The following DTD1 variants were observed in gnomAD, a reference collection of about 807,000 sequenced individuals.
The protein encoded by DTD1 is D-aminoacyl-tRNA deacylase 1, also known as D-tyrosyl-tRNA deacylase 1 homolog.
Under a neutral mutation model 25.6 loss-of-function variants are expected in DTD1, and 13 were observed. The observed-to-expected ratio is 0.51, with a 90% CI of 0.33 to 0.81. DTD1 has a LOEUF of 0.81. Among genes scored for constraint, DTD1 ranks in the 30% least tolerant of loss-of-function variants. The pLI is 0.02. For synonymous variants in DTD1, 110 were observed against 103.6 expected, an observed-to-expected ratio of 1.06 and a Z score of -0.37; for missense variants, 193 against 266.4, an observed-to-expected ratio of 0.72 and a Z score of 1.92.
At chr20:18,627,156 T>A (rs1040698960) in intron 3 of DTD1, among the ~76,000 whole-genome samples, 1 of 152,212 alleles carries the variant, frequency 6.6e-6, no homozygotes, top group African/African-American at 2.4e-5. Flanking sequence ...GTGCTTCTAA[T>A]ACAATTTCCA....
intron 4 of DTD1, among the ~76,000 whole-genome samples, chr20:18,702,087 C>T (rs867830366): frequency 6.6e-6 from 1 of 152,170 alleles, no homozygotes; most frequent in South Asian, 2.1e-4. Flanking sequence ...GTCTCTTATT[C>T]ACTTCCATTT....
chr20:18,606,080 A>G (rs1345914448), intron 3 of DTD1, among the ~76,000 whole-genome samples: 1 of 103,660 alleles, frequency 9.6e-6, no homozygotes, highest in Non-Finnish European at 2.2e-5. Context: ...CAAATTTACA[A>G]GAAAAAAACA....
At chr20:18,689,283 C>T (rs1261441573) in intron 4 of DTD1, among the ~76,000 whole-genome samples, 1 of 152,024 alleles carries the variant, frequency 6.6e-6, no homozygotes, top group African/African-American at 2.4e-5. Flanking sequence ...CCTCCACTGC[C>T]CGCCCCCTTT....
intron 5 of DTD1, among the ~76,000 whole-genome samples, chr20:18,757,245 T>G (rs1202456252): frequency 2.0e-5 from 3 of 152,260 alleles, no homozygotes; most frequent in African/African-American, 4.8e-5. Flanking sequence ...CCTGTTTTCC[T>G]AATTGAATAC....
chr20:18,644,852 C>T (rs555586326), intron 4 of DTD1, among the ~76,000 whole-genome samples: 98 of 152,174 alleles, frequency 6.4e-4, no homozygotes, highest in African/African-American at 2.3e-3. Flanking sequence ...TTTATTCAAC[C>T]GTGGCGTATG....
chr20:18,758,339 T>C (rs2122539793), intron 5 of DTD1, among the ~76,000 whole-genome samples: 1 of 152,264 alleles, frequency 6.6e-6, no homozygotes, highest in East Asian at 1.9e-4. Flanking sequence ...GCTCTTGCTT[T>C]TCTAGTTCTT....
chr20:18,701,574 C>T (rs2061105033), intron 4 of DTD1, among the ~76,000 whole-genome samples: 1 of 152,152 alleles, frequency 6.6e-6, no homozygotes, highest in Admixed American at 6.5e-5. Flanking sequence ...ATCCCAGAGC[C>T]CTTGGTTCTA....
At chr20:18,616,881 T>G (rs1392008231) in intron 3 of DTD1, among the ~76,000 whole-genome samples, 2 of 152,252 alleles carry the variant, frequency 1.3e-5, no homozygotes, top group Non-Finnish European at 2.9e-5. Context: ...GCAGCATGCC[T>G]TATGCACAGT....
intron 5 of DTD1, among the ~76,000 whole-genome samples, chr20:18,748,761 C>A (rs1383576395): frequency 6.6e-6 from 1 of 152,202 alleles, no homozygotes; most frequent in Non-Finnish European, 1.5e-5. Flanking sequence ...TTGCTTCTCT[C>A]ACGTTAATGA....
chr20:18,706,705 G>A (rs904341127), intron 4 of DTD1, among the ~76,000 whole-genome samples: 2 of 152,204 alleles, frequency 1.3e-5, no homozygotes, highest in South Asian at 4.1e-4. Flanking sequence ...TTTTACTTGT[G>A]TTCTCTGAGG....
chr20:18,680,058 A>G (rs942300053), intron 4 of DTD1, among the ~76,000 whole-genome samples: 1 of 152,216 alleles, frequency 6.6e-6, no homozygotes, highest in Non-Finnish European at 1.5e-5. Flanking sequence ...CTATAGACCT[A>G]GGTAGATTTA....
chr20:18,754,885 A>G (rs2122535024), intron 5 of DTD1, among the ~76,000 whole-genome samples: 1 of 152,382 alleles, frequency 6.6e-6, no homozygotes, highest in South Asian at 2.1e-4. Context: ...AATCTCTTGC[A>G]TGTAGTTTAC....
At chr20:18,621,660 A>G (rs761100051) in intron 3 of DTD1, among the ~76,000 whole-genome samples, 2 of 152,224 alleles carry the variant, frequency 1.3e-5, no homozygotes, top group Non-Finnish European at 2.9e-5. Flanking sequence ...AAGAATGGTT[A>G]TATTCTTAAA....
At chr20:18,636,362 T>C (rs1266020213) in intron 4 of DTD1, among the ~76,000 whole-genome samples, 1 of 152,186 alleles carries the variant, frequency 6.6e-6, no homozygotes, top group African/African-American at 2.4e-5. Flanking sequence ...CCCGGGTAAT[T>C]GTAGAAAAAT....
At chr20:18,656,012 G>A (rs1282691365) in intron 4 of DTD1, among the ~76,000 whole-genome samples, 2 of 152,070 alleles carry the variant, frequency 1.3e-5, no homozygotes, top group Admixed American at 1.3e-4. Flanking sequence ...CTCAGATGGT[G>A]CACCTGTCTC....
At chr20:18,642,157 G>GAATTCATTAGTATCTTTCCTGCA (rs2060831178) in intron 4 of DTD1, among the ~76,000 whole-genome samples, 1 of 152,112 alleles carries the variant, frequency 6.6e-6, no homozygotes, top group South Asian at 2.1e-4. Context: ...TCTCACCCTT[G>GAATTCATTAGTATCTTTCCTGCA]AATTCATTAG....
At chr20:18,650,613 C>T (rs1350650831) in intron 4 of DTD1, among the ~76,000 whole-genome samples, 1 of 152,182 alleles carries the variant, frequency 6.6e-6, no homozygotes, top group Non-Finnish European at 1.5e-5. Context: ...TGGTTAGTTA[C>T]TTTTTACATT....
chr20:18,698,919 A>T (rs2061090915), intron 4 of DTD1, among the ~76,000 whole-genome samples: 1 of 152,018 alleles, frequency 6.6e-6, no homozygotes, highest in East Asian at 1.9e-4. Flanking sequence ...CCTCTACCTC[A>T]TCTCCTCTTG....
At chr20:18,709,893 G>T (rs1400702418) in intron 4 of DTD1, among the ~76,000 whole-genome samples, 1 of 152,018 alleles carries the variant, frequency 6.6e-6, no homozygotes, top group Non-Finnish European at 1.5e-5. Context: ...TTAATGCCTG[G>T]AAAACCATTA....
Sources: allele counts gnomAD v4.1 joint callset (sites outside exome capture counted in the v4.1 genomes callset), GRCh38; gene constraint gnomAD v4.1.1; transcripts MANE v1.5; gene names NCBI Gene and HGNC (gene_info 2026-07-23, HGNC 2026-07-21).